Variants in TMEM132D observed in about 807,000 individuals in gnomAD.
The protein encoded by TMEM132D is transmembrane protein 132D.
In TMEM132D, 21 loss-of-function variants were observed where a neutral mutation model predicts 62.3. That is an observed-to-expected ratio of 0.34 (90% CI 0.24 to 0.49). The LOEUF is 0.49. Ranked by LOEUF, TMEM132D falls within the 20% of genes least tolerant of loss-of-function variation. The pLI is 0.99. For synonymous variants in TMEM132D, 621 were observed against 575.6 expected, an observed-to-expected ratio of 1.08 and a Z score of -1.13; for missense variants, 1,346 against 1,402.8, an observed-to-expected ratio of 0.96 and a Z score of 0.65.
intron 5 of TMEM132D, among the ~76,000 whole-genome samples, chr12:129,088,043 A>C (rs1345399761): frequency 5.8e-4 from 38 of 65,284 alleles, no homozygotes; most frequent in African/African-American, 2.1e-3. Context: ...GGTGTCCTCT[A>C]TGACCGGGTG....
chr12:129,552,973 A>G (rs1269202661), intron 2 of TMEM132D, among the ~76,000 whole-genome samples: 2 of 152,176 alleles, frequency 1.3e-5, no homozygotes, highest in Non-Finnish European at 2.9e-5. Context: ...AGATCCAACA[A>G]CTACAACATG....
At chr12:129,305,482 G>A (rs1881826702) in intron 4 of TMEM132D, among the ~76,000 whole-genome samples, 1 of 152,046 alleles carries the variant, frequency 6.6e-6, no homozygotes, top group South Asian at 2.1e-4. Flanking sequence ...AAAGGTAAAG[G>A]AATTGAGTAT....
intron 1 of TMEM132D, among the ~76,000 whole-genome samples, chr12:129,835,109 A>G (rs1872964070): frequency 6.6e-6 from 1 of 152,226 alleles, no homozygotes; most frequent in Non-Finnish European, 1.5e-5. Flanking sequence ...TTTGAGGCTC[A>G]ATAGCAAAGG....
intron 5 of TMEM132D, among the ~76,000 whole-genome samples, chr12:129,165,159 G>A (rs1877507890): frequency 6.6e-6 from 1 of 152,180 alleles, no homozygotes; most frequent in African/African-American, 2.4e-5. Flanking sequence ...TCTAGGAATA[G>A]GCAGACTAAT....
intron 2 of TMEM132D, among the ~76,000 whole-genome samples, chr12:129,694,498 G>C (rs943522557): frequency 6.6e-6 from 1 of 152,190 alleles, no homozygotes; most frequent in Non-Finnish European, 1.5e-5. Context: ...CTGCAACCTA[G>C]CTTAATAGGC....
chr12:129,457,055 A>G (rs1873494804), intron 3 of TMEM132D, among the ~76,000 whole-genome samples: 1 of 151,808 alleles, frequency 6.6e-6, no homozygotes, highest in Admixed American at 6.6e-5. Context: ...ATCTAGAACT[A>G]GAAATACCGT....
At chr12:129,710,916 C>A (rs912662356) in intron 1 of TMEM132D, among the ~76,000 whole-genome samples, 3 of 151,318 alleles carry the variant, frequency 2.0e-5, no homozygotes, top group Non-Finnish European at 4.4e-5. Flanking sequence ...GCGCACGCTG[C>A]CTCTCCCCTA....
chr12:129,291,415 A>G (rs1414570586), intron 4 of TMEM132D, among the ~76,000 whole-genome samples: 1 of 152,184 alleles, frequency 6.6e-6, no homozygotes, highest in Non-Finnish European at 1.5e-5. Context: ...CCTCTTTACA[A>G]TGATCTCAAA....
chr12:129,333,889 G>C (rs567838217), intron 4 of TMEM132D, among the ~76,000 whole-genome samples: 1 of 152,310 alleles, frequency 6.6e-6, no homozygotes, highest in African/African-American at 2.4e-5. Context: ...GGGAAGCCGA[G>C]GCAGGTGGAT....
chr12:129,600,316 C>A (rs2137142037), intron 2 of TMEM132D, among the ~76,000 whole-genome samples: 1 of 152,336 alleles, frequency 6.6e-6, no homozygotes, highest in East Asian at 1.9e-4. Context: ...TGAGGCTCCA[C>A]TTCTAATTCT....
At chr12:129,899,463 A>C (rs941432641) in intron 1 of TMEM132D, among the ~76,000 whole-genome samples, 12 of 151,540 alleles carry the variant, frequency 7.9e-5, no homozygotes, top group African/African-American at 2.9e-4. Context: ...GGACTGGTGG[A>C]TGGACTGGTG....
chr12:129,894,205 C>T (rs997224429), intron 1 of TMEM132D, among the ~76,000 whole-genome samples: 3 of 152,216 alleles, frequency 2.0e-5, no homozygotes, highest in African/African-American at 7.2e-5. Flanking sequence ...GCACAGCCTG[C>T]ATGGTGGCAG....
chr12:129,750,693 G>A (rs959675018), intron 1 of TMEM132D, among the ~76,000 whole-genome samples: 1 of 152,162 alleles, frequency 6.6e-6, no homozygotes, highest in Non-Finnish European at 1.5e-5. Flanking sequence ...GGGAGGAGCA[G>A]GGAAAGCTGG....
At chr12:129,446,012 T>C (rs1024785794) in intron 3 of TMEM132D, among the ~76,000 whole-genome samples, 2 of 152,120 alleles carry the variant, frequency 1.3e-5, no homozygotes, top group African/African-American at 4.8e-5. Flanking sequence ...GCTGGGACTT[T>C]ATACAGCTCT....
chr12:129,560,341 C>T (rs1877183636), intron 2 of TMEM132D, among the ~76,000 whole-genome samples: 2 of 151,194 alleles, frequency 1.3e-5, no homozygotes. Context: ...ACGATCTCGG[C>T]TCACCACAAC....
intron 4 of TMEM132D, among the ~76,000 whole-genome samples, chr12:129,283,820 G>A (rs78368238): frequency 0.013 from 2,032 of 152,288 alleles, 21 homozygotes; most frequent in Non-Finnish European, 0.021. Context: ...TGGTGGAAGT[G>A]AGCCTCCAAA....
At chr12:129,391,995 G>A (rs1871302336) in intron 3 of TMEM132D, among the ~76,000 whole-genome samples, 1 of 151,918 alleles carries the variant, frequency 6.6e-6, no homozygotes, top group Non-Finnish European at 1.5e-5. Context: ...GACCTCAGGT[G>A]ATCTGCCTGC....
At chr12:129,146,166 C>T (rs930788951) in intron 5 of TMEM132D, among the ~76,000 whole-genome samples, 2 of 151,886 alleles carry the variant, frequency 1.3e-5, no homozygotes, top group East Asian at 1.9e-4. Context: ...CTGCAGTCAT[C>T]GTACTGAACC....
intron 1 of TMEM132D, among the ~76,000 whole-genome samples, chr12:129,735,762 GGT>G (rs1565966990): frequency 6.6e-6 from 1 of 152,178 alleles, no homozygotes; most frequent in East Asian, 1.9e-4. Context: ...GAAAACAAGG[GGT>G]GGTTACTAGA....
Sources: gnomAD v4.1 joint callset for allele counts (sites outside exome capture counted in the v4.1 genomes callset) on GRCh38, gnomAD v4.1.1 for gene constraint, MANE v1.5 for transcripts, NCBI Gene and HGNC (gene_info 2026-07-23, HGNC 2026-07-21) for gene names.